The following SPON1 variants were observed in gnomAD, a reference collection of about 807,000 sequenced individuals.
SPON1 encodes spondin-1.
Under a neutral mutation model 111.7 loss-of-function variants are expected in SPON1, and 52 were observed. That is an observed-to-expected ratio of 0.47 (90% confidence interval 0.37 to 0.59). The LOEUF is 0.59. Ranked by LOEUF, SPON1 falls within the 20% of genes least tolerant of loss-of-function variation. SPON1 has a pLI of 0.00. For synonymous variants in SPON1, 410 were observed against 395.8 expected (o/e 1.04, Z -0.43); for missense variants, 957 against 1,068.5 (o/e 0.90, Z 1.46).
chr11:13,996,895 G>A (rs1360808903), intron 2 of SPON1, among the ~76,000 whole-genome samples: 15 of 152,028 alleles, frequency 9.9e-5, no homozygotes, highest in Non-Finnish European at 2.1e-4. Context: ...TCATACTGTT[G>A]AATTATAATT....
chr11:14,233,287 C>T (rs1344468498), intron 6 of SPON1, among the ~76,000 whole-genome samples: 1 of 152,160 alleles, frequency 6.6e-6, no homozygotes, highest in Non-Finnish European at 1.5e-5. Context: ...GCATCCCATG[C>T]CTTGAACCCC....
At chr11:14,247,315 C>G (rs566026617) in intron 7 of SPON1, among the ~76,000 whole-genome samples, 1 of 152,124 alleles carries the variant, frequency 6.6e-6, no homozygotes, top group Non-Finnish European at 1.5e-5. Context: ...GAGGCTGAGG[C>G]AGGAGGATCA....
At chr11:14,114,804 G>T (rs980122795) in intron 5 of SPON1, among the ~76,000 whole-genome samples, 3 of 152,068 alleles carry the variant, frequency 2.0e-5, no homozygotes, top group Admixed American at 6.5e-5. Flanking sequence ...CCCCTAATAT[G>T]CTGAGAGACC....
chr11:14,257,917 C>G lies in SPON1; in HGVS notation c.1492+19C>G. ...GACGAAGGTGAGGAGACAACCCAGA[C>G]CAGCCAGGGGCTGGCAGGAGTTCAG... On this transcript the variant is annotated intron_variant, in intron 11 of 15. Transcript: ENST00000576479. The G allele has an allele frequency of 6.6e-7, 1 of 1,515,438 alleles. No homozygotes were observed. The allele number at this position is 1,515,438 out of a possible 1,614,324, so 93.9% of individuals were successfully genotyped here. A position where few individuals can be genotyped will look rare whatever the true frequency, so the allele number is the denominator to read the frequency against.
At chr11:13,993,381 G>A (rs142038044) in intron 2 of SPON1, among the ~76,000 whole-genome samples, 5 of 151,790 alleles carry the variant, frequency 3.3e-5, no homozygotes, top group East Asian at 3.9e-4. Context: ...TAGCTGATTC[G>A]GTGAAAGTGG....
intron 7 of SPON1, among the ~76,000 whole-genome samples, chr11:14,243,809 G>A (rs1449002433): frequency 6.6e-6 from 1 of 152,148 alleles, no homozygotes; most frequent in Non-Finnish European, 1.5e-5. Flanking sequence ...TTTCTTTTCT[G>A]TCTCCTCTAT....
intron 5 of SPON1, among the ~76,000 whole-genome samples, chr11:14,130,493 G>T (rs1328952619): frequency 2.6e-5 from 4 of 152,042 alleles, no homozygotes; most frequent in African/African-American, 9.7e-5. Context: ...CAGTTATTCT[G>T]ACATTGTGCT....
At chr11:14,226,037 A>C (rs1378186256) in intron 6 of SPON1, among the ~76,000 whole-genome samples, 4 of 152,248 alleles carry the variant, frequency 2.6e-5, no homozygotes, top group African/African-American at 9.6e-5. Flanking sequence ...GTAATGATAA[A>C]TAGTGCACAT....
chr11:14,195,107 C>A (rs1848386695), intron 6 of SPON1, among the ~76,000 whole-genome samples: 1 of 152,154 alleles, frequency 6.6e-6, no homozygotes, highest in Admixed American at 6.5e-5. Flanking sequence ...TACTAAGTAG[C>A]CAGAAAGAAT....
intron 7 of SPON1, among the ~76,000 whole-genome samples, chr11:14,254,004 A>T (rs10832239): frequency 0.14 from 21,754 of 152,148 alleles, 1,752 homozygotes; most frequent in South Asian, 0.2. Flanking sequence ...TAGACTCAGG[A>T]TGTTATTCCC....
chr11:14,263,859 T>C (rs1475149035), intron 15 of SPON1, among the ~76,000 whole-genome samples: 1 of 151,742 alleles, frequency 6.6e-6, no homozygotes, highest in East Asian at 1.9e-4. Context: ...TGAAACCCCA[T>C]CTCTACTAAA....
At chr11:14,089,073 C>T (rs7114715) in intron 5 of SPON1, among the ~76,000 whole-genome samples, 12,038 of 152,060 alleles carry the variant, frequency 0.079, 578 homozygotes, top group South Asian at 0.19. Context: ...TGGGTTAGAA[C>T]ACGTTCCTTT....
chr11:14,000,978 G>A (rs889959909), intron 2 of SPON1, among the ~76,000 whole-genome samples: 3 of 152,080 alleles, frequency 2.0e-5, no homozygotes, highest in South Asian at 2.1e-4. Flanking sequence ...TGTCTACTGT[G>A]ACATGTGAAG....
intron 6 of SPON1, among the ~76,000 whole-genome samples, chr11:14,175,883 A>G (rs550770806): frequency 1.1e-4 from 17 of 152,318 alleles, no homozygotes; most frequent in South Asian, 8.3e-4. Context: ...ATGCTGCCCA[A>G]TGGGCTGCAT....
chr11:14,153,932 CA>C (rs1321524518), intron 6 of SPON1, among the ~76,000 whole-genome samples: 1 of 152,206 alleles, frequency 6.6e-6, no homozygotes, highest in African/African-American at 2.4e-5. Flanking sequence ...CCCAACAGGG[CA>C]GTCATTAAAT....
chr11:14,231,854 G>A (rs1848807374), intron 6 of SPON1, among the ~76,000 whole-genome samples: 1 of 149,696 alleles, frequency 6.7e-6, no homozygotes, highest in Middle Eastern at 3.5e-3. Flanking sequence ...TGTGAGTTTT[G>A]TGCATAAGTT....
intron 2 of SPON1, among the ~76,000 whole-genome samples, chr11:14,007,170 G>A (rs1848368814): frequency 6.6e-6 from 1 of 152,220 alleles, no homozygotes; most frequent in Non-Finnish European, 1.5e-5. Context: ...TCCCTTGCAT[G>A]TGCAGTTCAC....
chr11:14,262,654 C>T (rs890621612), intron 14 of SPON1, 58 bp from the exon 15 acceptor site: 20 of 1,596,888 alleles, frequency 1.3e-5, no homozygotes, highest in Admixed American at 1.0e-4. Context: ...CAAAGGAGAG[C>T]GTGACCATAT....
In SPON1 at chr11:14,262,549, A is replaced by C; in HGVS notation, c.1997-163A>C. 11 of 896,392 alleles carry C rather than the reference A, an allele frequency of 1.2e-5. No individual in the cohort carries two copies. The South Asian group carries it at 1.9e-4, about 15-fold the overall frequency. The allele number at this position is 896,392 out of a possible 1,614,324, so 55.5% of individuals were successfully genotyped here. A position where few individuals can be genotyped will look rare whatever the true frequency, so the allele number is the denominator to read the frequency against. On this transcript the variant is annotated intron_variant, in intron 14 of 15. Transcript: ENST00000576479. ...GCTGCTTACCAACCACACGGGCTGA[A>C]GTCAGCCTGCCTCTTTGGAGCCTCA... is the stretch of plus-strand genomic sequence containing the variant.
Sources: allele counts gnomAD v4.1 joint callset (sites outside exome capture counted in the v4.1 genomes callset), GRCh38; gene constraint gnomAD v4.1.1; transcripts MANE v1.5; gene names NCBI Gene and HGNC (gene_info 2026-07-23, HGNC 2026-07-21).